Variants in H1-8 observed in about 807,000 individuals in gnomAD.
H1-8 encodes histone H1.8.
In H1-8, 13 loss-of-function variants were observed where a neutral mutation model predicts 19.5. That is an observed-to-expected ratio of 0.67 (90% CI 0.43 to 1.06). H1-8 has a LOEUF of 1.06. H1-8 is among the 50% of genes least tolerant of loss of function. The pLI is 0.00. For missense variants in H1-8, 432 were observed against 459.8 expected (o/e 0.94, Z 0.55); for synonymous variants, 193 against 187.6 (o/e 1.03, Z -0.24).
chr3:129,551,129 C>G lies in H1-8; in HGVS notation c.830C>G (p.Pro277Arg). Reference sequence around the variant, plus strand: ...TAGGTCAAGAATGGTGCTGCTTCCCCGACCAAAAAGAAGGTGGTGGCCAAG... The same window carrying G: ...TAGGTCAAGAATGGTGCTGCTTCCCGGACCAAAAAGAAGGTGGTGGCCAAG... ...ASKVKNGAAS[P>R]TKKKVVAKAK... Residue 277 changes from proline (P) to arginine (R), a missense_variant, in exon 5 of 5, where the codon CCG becomes CGG. Pro to Arg is a moderately radical substitution (Grantham distance 103). Transcript: ENST00000324382. 1 of 1,613,908 alleles carries G rather than the reference C, an allele frequency of 6.2e-7. No individual in the cohort carries two copies. Among genetic ancestry groups the G allele is most frequent in the Non-Finnish European group, 8.5e-7 (1 of 1,179,974 alleles).
intron 4 of H1-8, 53 bp from the exon 5 acceptor site, chr3:129,551,054 G>A (rs2084928679): frequency 1.3e-6 from 2 of 1,515,840 alleles, no homozygotes; most frequent in Non-Finnish European, 1.8e-6. Context: ...ACCCAGAGCT[G>A]GGATTTCAGC....
chr3:129,548,366 G>T, intron 2 of H1-8: 1 of 986,106 alleles, frequency 1.0e-6, no homozygotes, highest in African/African-American at 1.7e-5. Context: ...ACTCCTGGGC[G>T]TGGGTCAGAG....
At chr3:129,548,764 A>G (rs1005742379) in intron 2 of H1-8, among the ~76,000 whole-genome samples, 1 of 152,080 alleles carries the variant, frequency 6.6e-6, no homozygotes, top group African/African-American at 2.4e-5. Flanking sequence ...AGGAGTCCAG[A>G]GGCACAATCT....
chr3:129,550,635 G>A (rs1560052870), intron 3 of H1-8, 110 bp from the exon 4 acceptor site: 8 of 842,806 alleles, frequency 9.5e-6, no homozygotes, highest in Non-Finnish European at 1.6e-5. Flanking sequence ...ACATAACTGA[G>A]TGAAGACCTA....
chr3:129,550,369 T>C (rs985385892), intron 3 of H1-8, among the ~76,000 whole-genome samples: 1 of 152,028 alleles, frequency 6.6e-6, no homozygotes, highest in Non-Finnish European at 1.5e-5. Context: ...CCCACCACAC[T>C]CCAGCACAGT....
intron 1 of H1-8, among the ~76,000 whole-genome samples, chr3:129,544,753 C>A (rs193191218): frequency 2.0e-5 from 3 of 151,926 alleles, no homozygotes; most frequent in Admixed American, 2.0e-4. Context: ...TCAGGCCAAG[C>A]GAAGACCCTT....
chr3:129,543,275 A>G lies in H1-8; in HGVS notation c.57A>G (p.Gly19=). ...DISPSSTSTA[G]SSRSPESEKP... ...CACCCTCCTCGACTTCCACAGCAGG[A>G]TCATCCAGGTCTCCTGAATCTGAAA... Residue 19 remains glycine (G), a synonymous_variant, in exon 1 of 5, where the codon GGA becomes GGG. Transcript: ENST00000324382. 6.2e-7 allele frequency: 1 copy of G among 1,613,736 alleles called. No individual in the cohort carries two copies. The highest frequency in any genetic ancestry group is 8.5e-7 in the Non-Finnish European group (1 of 1,179,840).
At chr3:129,550,649 C>A in intron 3 of H1-8, 96 bp from the exon 4 acceptor site, 1 of 987,012 alleles carries the variant, frequency 1.0e-6, no homozygotes. Context: ...AGACCTAGGA[C>A]CCAGGAGGAA....
At chr3:129,544,387 AGGCTGG>A (rs1233273434) in intron 1 of H1-8, among the ~76,000 whole-genome samples, 1 of 151,346 alleles carries the variant, frequency 6.6e-6, no homozygotes, top group Non-Finnish European at 1.5e-5. Context: ...AGTGGGGAGG[AGGCTGG>A]GGCTGGGGAG....
chr3:129,551,363 A>G lies in H1-8; in HGVS notation c.*23A>G. 1.3e-6 allele frequency: 2 copies of G among 1,487,346 alleles called. No homozygotes were observed. The highest frequency in any genetic ancestry group is 9.3e-7 in the Non-Finnish European group (1 of 1,080,122). 92.1% of individuals were successfully genotyped at this position (1,487,346 alleles called of 1,614,324 possible). On this transcript the variant is annotated 3_prime_UTR_variant, in exon 5 of 5. Transcript: ENST00000324382. The stretch of plus-strand genomic sequence containing the variant: ...TAGGGCCAGAGGCAGGGGCGGAGAG[A>G]GACCGAGCCTCTGCCCTAGTTTTTA...
intron 1 of H1-8, among the ~76,000 whole-genome samples, chr3:129,545,500 TG>T (rs1319666671): frequency 6.6e-6 from 1 of 152,240 alleles, no homozygotes; most frequent in African/African-American, 2.4e-5. Flanking sequence ...CAATGGCTTT[TG>T]GTATACTCAG....
intron 1 of H1-8, among the ~76,000 whole-genome samples, chr3:129,544,228 G>A (rs2108753967): frequency 6.6e-6 from 1 of 152,266 alleles, no homozygotes; most frequent in Admixed American, 6.5e-5. Context: ...GAAGTGCTGG[G>A]GCAGTGCTAG....
intron 1 of H1-8, among the ~76,000 whole-genome samples, chr3:129,546,217 C>T (rs1479541072): frequency 6.6e-6 from 1 of 151,838 alleles, no homozygotes; most frequent in East Asian, 1.9e-4. Context: ...CCAGCTACTT[C>T]GGAGACTGAG....
In H1-8 at chr3:129,548,858, G is replaced by A. The variant is rs915095473; in HGVS notation, c.379-143G>A. The A allele has an allele frequency of 5.4e-6, 6 of 1,120,256 alleles. No homozygotes were observed. The Middle Eastern group carries it at 6.5e-4, about 121-fold the overall frequency. 69.4% of individuals were successfully genotyped at this position (1,120,256 alleles called of 1,614,324 possible). A position where few individuals can be genotyped will look rare whatever the true frequency, so the allele number is the denominator to read the frequency against. ...AGTAGACAGTGCCTCCAAGGACAGT[G>A]GCTTCGTGCCTTCTCCCTGCCTCTC... On this transcript the variant is annotated intron_variant, in intron 2 of 4. Coordinates refer to ENST00000324382, the MANE Select transcript of H1-8 (RefSeq NM_153833.3).
chr3:129,549,048 CGCGACG>C lies in H1-8; in HGVS notation c.429_434del (p.Thr144_Ala145del). 6.2e-7 allele frequency: 1 copy of C among 1,612,888 alleles called. No homozygotes were observed. The highest frequency in any genetic ancestry group is 8.5e-7 in the Non-Finnish European group (1 of 1,179,554). On this transcript the variant is annotated inframe_deletion, in exon 3 of 5. Transcript: ENST00000324382. ...AAATCCAGCCCAGGAAGATGGCCCCCGCGACGGCTCCCAGGAGAGCGGGTGAGGCCA... is the reference window on the plus strand; with the variant it reads ...AAATCCAGCCCAGGAAGATGGCCCCCGCTCCCAGGAGAGCGGGTGAGGCCA...
intron 1 of H1-8, among the ~76,000 whole-genome samples, chr3:129,546,144 A>T (rs2084886992): frequency 6.8e-6 from 1 of 148,098 alleles, no homozygotes; most frequent in Admixed American, 6.8e-5. Context: ...TAATAATAAT[A>T]ATAATAATAA....
chr3:129,545,852 T>TGGTTCCATCTTTGGGCC (rs1467712931), intron 1 of H1-8, among the ~76,000 whole-genome samples: 1 of 152,224 alleles, frequency 6.6e-6, no homozygotes, highest in East Asian at 1.9e-4. Flanking sequence ...ATGTTTGGGC[T>TGGTTCCATCTTTGGGCC]GGTTCCATCT....
At chr3:129,548,835 T>A (rs1034899625) in intron 2 of H1-8, among the ~76,000 whole-genome samples, 166 bp from the exon 3 acceptor site, 3 of 152,056 alleles carry the variant, frequency 2.0e-5, no homozygotes, top group Admixed American at 6.5e-5. Flanking sequence ...AGAATCATAG[T>A]AGACAGTGCC....
At chr3:129,545,061 A>C (rs2084878093) in intron 1 of H1-8, among the ~76,000 whole-genome samples, 1 of 148,228 alleles carries the variant, frequency 6.7e-6, no homozygotes, top group Non-Finnish European at 1.5e-5. Context: ...TAATATAGCC[A>C]ATTTTTTTTT....
Sources: allele counts gnomAD v4.1 joint callset (sites outside exome capture counted in the v4.1 genomes callset), GRCh38; gene constraint gnomAD v4.1.1; transcripts MANE v1.5; gene names NCBI Gene and HGNC (gene_info 2026-07-23, HGNC 2026-07-21).